The following ZPLD1 variants were observed in gnomAD, a reference collection of about 807,000 sequenced individuals.
ZPLD1 encodes the protein zona pellucida-like domain-containing protein 1.
In ZPLD1, 34 loss-of-function variants were observed where a neutral mutation model predicts 47.2. That is an observed-to-expected ratio of 0.72 (90% CI 0.55 to 0.96). The LOEUF (loss-of-function observed/expected upper bound fraction) is 0.96, where lower values mean the gene tolerates loss of function less well. Ranked by LOEUF, ZPLD1 falls within the 40% of genes least tolerant of loss-of-function variation. The probability of loss-of-function intolerance (pLI) is 0.00; values close to 1 mark genes in which losing one functional copy is unlikely to be tolerated. For missense variants in ZPLD1, 512 were observed against 505.8 expected, an observed-to-expected ratio of 1.01 and a Z score of -0.12; for synonymous variants, 176 against 186.2, an observed-to-expected ratio of 0.95 and a Z score of 0.45.
chr3:102,391,701 C>G (rs1220447297), intron 6 of ZPLD1, among the ~76,000 whole-genome samples: 1 of 152,016 alleles, frequency 6.6e-6, no homozygotes. Flanking sequence ...TTTTATGATG[C>G]AGCAGTCAGA....
At chr3:102,441,490 G>A (rs1205474903) in intron 3 of ZPLD1, among the ~76,000 whole-genome samples, 1 of 152,080 alleles carries the variant, frequency 6.6e-6, no homozygotes, top group East Asian at 1.9e-4. Context: ...ACAACTGATA[G>A]TGTATTCTAT....
At chr3:102,432,766 T>C (rs1463093876), upstream of ZPLD1, among the ~76,000 whole-genome samples, 1 of 151,886 alleles carries the variant, frequency 6.6e-6, no homozygotes, top group Non-Finnish European at 1.5e-5. Flanking sequence ...ACTAGGAAAG[T>C]CTATTTTATT....
intron 7 of ZPLD1, among the ~76,000 whole-genome samples, chr3:102,404,596 G>A (rs542794695): frequency 1.3e-4 from 20 of 152,046 alleles, no homozygotes; most frequent in Admixed American, 3.9e-4. Flanking sequence ...ATTAGGATTC[G>A]ATGTAACATA....
intron 8 of ZPLD1, among the ~76,000 whole-genome samples, chr3:102,466,290 A>G (rs774405282): frequency 6.6e-6 from 1 of 152,148 alleles, no homozygotes; most frequent in South Asian, 2.1e-4. Flanking sequence ...GGAAACCCTT[A>G]AGGAAGGTAT....
intron 5 of ZPLD1, among the ~76,000 whole-genome samples, chr3:102,457,171 T>A (rs1314049754): frequency 6.6e-6 from 1 of 152,224 alleles, no homozygotes; most frequent in Admixed American, 6.5e-5. Context: ...TTCTACTTCA[T>A]TGAAAAAATA....
Position 102,449,525 on chromosome 3 carries a change from C to T in ZPLD1, c.107-3394C>T, listed in dbSNP as rs1159552946. 3.3e-5 allele frequency among the ~76,000 whole-genome samples: 5 copies of T among 152,092 alleles called. No individual in the cohort carries two copies. The East Asian group carries it at 5.8e-4, about 18-fold the overall frequency. ...ATGAGTAGTGTAAAGAAATCTCACG[C>T]GATTCAGCTCCATCCTGCCCAGGAT... On this transcript the variant is annotated intron_variant, in intron 3 of 11. Coordinates refer to ENST00000466937, the MANE Select transcript of ZPLD1 (RefSeq NM_001329788.2).
chr3:102,424,171 T>C (rs1706913512), intron 8 of ZPLD1, among the ~76,000 whole-genome samples: 1 of 152,166 alleles, frequency 6.6e-6, no homozygotes, highest in Admixed American at 6.6e-5. Flanking sequence ...ATTACAACAT[T>C]GCATCAATGA....
At chr3:102,426,756 T>C (rs561952037) in intron 8 of ZPLD1, among the ~76,000 whole-genome samples, 21 of 152,338 alleles carry the variant, frequency 1.4e-4, no homozygotes, top group Non-Finnish European at 2.1e-4. Context: ...GTATATATGC[T>C]ACTTGATCCA....
chr3:102,459,964 AAG>A (rs1707481035), intron 6 of ZPLD1, among the ~76,000 whole-genome samples: 1 of 152,124 alleles, frequency 6.6e-6, no homozygotes, highest in Admixed American at 6.5e-5. Context: ...TATAATACAG[AAG>A]AGTTTCAATG....
At chr3:102,466,601 A>G (rs980010518) in intron 8 of ZPLD1, among the ~76,000 whole-genome samples, 2 of 152,160 alleles carry the variant, frequency 1.3e-5, no homozygotes, top group Non-Finnish European at 2.9e-5. Context: ...AGTAAAAGCC[A>G]TGGCTATGGA....
chr3:102,462,495 C>G, intron 7 of ZPLD1, 117 bp downstream of exon 7: 1 of 619,082 alleles, frequency 1.6e-6, no homozygotes, highest in Non-Finnish European at 2.8e-6. Context: ...ATCATTGCCA[C>G]ACCATTTAGG....
chr3:102,472,267 C>T (rs1173316069), intron 10 of ZPLD1, among the ~76,000 whole-genome samples: 3 of 152,130 alleles, frequency 2.0e-5, no homozygotes, highest in African/African-American at 7.2e-5. Flanking sequence ...CGCGGTGGCT[C>T]ACGCCTGTAA....
At chr3:102,477,067 T>A (rs767620936) in intron 11 of ZPLD1, 26 bp downstream of exon 11, 2 of 1,612,720 alleles carry the variant, frequency 1.2e-6, no homozygotes, top group South Asian at 2.2e-5. Context: ...TATTTTGCAA[T>A]GTTTTTTACA....
Position 102,477,703 on chromosome 3 carries a change from T to C in ZPLD1, c.*85T>C. The C allele has an allele frequency of 8.2e-7, 1 of 1,226,878 alleles. No homozygotes were observed. The highest frequency in any genetic ancestry group is 1.1e-6 in the Non-Finnish European group (1 of 887,710). The allele number at this position is 1,226,878 out of a possible 1,614,324, so 76.0% of individuals were successfully genotyped here. A position where few individuals can be genotyped will look rare whatever the true frequency, so the allele number is the denominator to read the frequency against. On this transcript the variant is annotated 3_prime_UTR_variant, in exon 12 of 12. Transcript: ENST00000466937. ...GTCAGTGTTCCGTCTGAATTTCATG[T>C]CAGTCCACATTCAATATTTGTAGGT...
chr3:102,476,198 AAC>A (rs1476107796), intron 10 of ZPLD1, among the ~76,000 whole-genome samples: 2 of 152,176 alleles, frequency 1.3e-5, no homozygotes, highest in African/African-American at 4.8e-5. Context: ...TCCAGAAATA[AAC>A]AGTCAATTGC....
At chr3:102,431,468 C>T (rs946755603), upstream of ZPLD1, among the ~76,000 whole-genome samples, 4 of 152,014 alleles carry the variant, frequency 2.6e-5, no homozygotes, top group Non-Finnish European at 4.4e-5. Context: ...CAATGAAGGT[C>T]ATATATTTTC....
intron 3 of ZPLD1, among the ~76,000 whole-genome samples, chr3:102,439,839 A>G (rs942962894): frequency 6.6e-6 from 1 of 152,226 alleles, no homozygotes; most frequent in Non-Finnish European, 1.5e-5. Flanking sequence ...ATATCATTAA[A>G]TGCAGCCAAG....
chr3:102,457,666 T>A lies in ZPLD1; in HGVS notation c.510-115T>A. 3.4e-6 allele frequency: 3 copies of A among 885,020 alleles called. No individual in the cohort carries two copies. In the Middle Eastern group the frequency reaches 6.8e-4, roughly 200 times the overall value. The allele number at this position is 885,020 out of a possible 1,614,324, so 54.8% of individuals were successfully genotyped here. A position where few individuals can be genotyped will look rare whatever the true frequency, so the allele number is the denominator to read the frequency against. On this transcript the variant is annotated intron_variant, in intron 5 of 11. Coordinates refer to ENST00000466937, the MANE Select transcript of ZPLD1 (RefSeq NM_001329788.2). Reference sequence around the variant, plus strand: ...TTAAACAGTATAGCAACTCCAGGTATAATTAACAGTATGTCAGAATTATTC... The same window carrying A: ...TTAAACAGTATAGCAACTCCAGGTAAAATTAACAGTATGTCAGAATTATTC...
chr3:102,404,544 G>C (rs945566872), intron 7 of ZPLD1, among the ~76,000 whole-genome samples: 10 of 151,962 alleles, frequency 6.6e-5, no homozygotes, highest in African/African-American at 2.4e-4. Flanking sequence ...GAGAGTCAGT[G>C]AATAGCAAAT....
Sources: gnomAD v4.1 joint callset for allele counts (sites outside exome capture counted in the v4.1 genomes callset) on GRCh38, gnomAD v4.1.1 for gene constraint, MANE v1.5 for transcripts, NCBI Gene and HGNC (gene_info 2026-07-23, HGNC 2026-07-21) for gene names.